Variants in OLA1 observed in about 807,000 individuals in gnomAD.
The protein encoded by OLA1 is obg-like ATPase 1.
A neutral mutation model predicts 48.4 loss-of-function variants in OLA1; 14 were observed. The observed-to-expected ratio is 0.29, with a 90% confidence interval of 0.19 to 0.45. The LOEUF (loss-of-function observed/expected upper bound fraction) is 0.45, where lower values mean the gene tolerates loss of function less well. Ranked by LOEUF, OLA1 falls within the 20% of genes least tolerant of loss-of-function variation. OLA1 has a pLI of 1.00. For missense variants in OLA1, 325 were observed against 467.1 expected, an observed-to-expected ratio of 0.70 and a Z score of 2.80; for synonymous variants, 127 against 150.4, an observed-to-expected ratio of 0.84 and a Z score of 1.14.
At chr2:174,230,390 G>A (rs923762280) in intron 2 of OLA1, among the ~76,000 whole-genome samples, 8 of 152,078 alleles carry the variant, frequency 5.3e-5, no homozygotes, top group Admixed American at 4.6e-4. Context: ...ATAACCAATA[G>A]TTATGAAAAG....
At chr2:174,223,865 A>G (rs1688559570) in intron 3 of OLA1, among the ~76,000 whole-genome samples, 1 of 152,154 alleles carries the variant, frequency 6.6e-6, no homozygotes. Context: ...TAGGCTATAT[A>G]CAAAATAACC....
intron 5 of OLA1, among the ~76,000 whole-genome samples, chr2:174,136,971 G>A (rs146044309): frequency 4.6e-5 from 7 of 152,130 alleles, no homozygotes; most frequent in South Asian, 2.1e-4. Context: ...CACCACGCCC[G>A]GCCATGAAAA....
intron 4 of OLA1, among the ~76,000 whole-genome samples, chr2:174,222,085 T>A (rs1175032475): frequency 1.3e-5 from 2 of 152,120 alleles, no homozygotes; most frequent in Non-Finnish European, 2.9e-5. Flanking sequence ...GTAATTGCAG[T>A]TTTGGGCATT....
chr2:174,199,591 T>C (rs1471004715), intron 4 of OLA1, among the ~76,000 whole-genome samples: 1 of 152,170 alleles, frequency 6.6e-6, no homozygotes, highest in Non-Finnish European at 1.5e-5. Context: ...ACAGATTTGA[T>C]TTTTTTGATA....
intron 4 of OLA1, among the ~76,000 whole-genome samples, chr2:174,186,075 G>T (rs1404119454): frequency 1.3e-5 from 2 of 152,058 alleles, no homozygotes; most frequent in African/African-American, 2.4e-5. Context: ...CAACATGAGA[G>T]ACCTTTAACA....
chr2:174,089,644 G>A (rs1236398672), intron 7 of OLA1, among the ~76,000 whole-genome samples: 2 of 152,098 alleles, frequency 1.3e-5, no homozygotes, highest in African/African-American at 4.8e-5. Flanking sequence ...GCTCATGCCT[G>A]TAATCCCAGG....
intron 5 of OLA1, among the ~76,000 whole-genome samples, chr2:174,124,858 C>T (rs2105368936): frequency 6.6e-6 from 1 of 152,198 alleles, no homozygotes; most frequent in Middle Eastern, 3.4e-3. Context: ...CTGTTACCAA[C>T]AGGAAAAATA....
Position 174,223,117 on chromosome 2 carries a change from C to G in OLA1, c.289G>C (p.Val97Leu). The G allele has an allele frequency of 1.2e-6, 2 of 1,613,956 alleles. No individual in the cohort carries two copies. The highest frequency in any genetic ancestry group is 1.7e-6 in the Non-Finnish European group (2 of 1,179,886). Reference sequence around the variant, plus strand: ...CCCTGCCCATTGTGAGCTCCTTTCACAAGGCCAGCAATATCCACCACATTT... The same window carrying G: ...CCCTGCCCATTGTGAGCTCCTTTCAGAAGGCCAGCAATATCCACCACATTT... Reference protein sequence around the residue: ...FLNVVDIAGLVKGAHNGQGLG... With the variant: ...FLNVVDIAGLLKGAHNGQGLG... Residue 97 changes from valine to leucine, a missense_variant, in exon 4 of 11, where the codon GTG (valine) becomes CTG (leucine). Physicochemically the swap from Val to Leu is conservative, Grantham distance 32. Coordinates refer to ENST00000284719, the MANE Select transcript of OLA1 (RefSeq NM_013341.5).
Position 174,192,192 on chromosome 2 carries a change from C to T in OLA1, c.373+30841G>A, listed in dbSNP as rs117191986. The stretch of plus-strand genomic sequence containing the variant: ...TACATTTTTCATTAATCTGAGTCCA[C>T]CTTTAAGTGATATTATAAGTATCCC... On this transcript the variant is annotated intron_variant, in intron 4 of 10. Transcript: ENST00000284719. 7.8e-4 allele frequency among the ~76,000 whole-genome samples: 118 copies of T among 152,230 alleles called. 1 individual carries two copies. In the East Asian group the frequency reaches 0.018, roughly 23 times the overall value.
At chr2:174,137,817 G>A (rs570209560) in intron 5 of OLA1, among the ~76,000 whole-genome samples, 9 of 152,234 alleles carry the variant, frequency 5.9e-5, no homozygotes, top group Admixed American at 4.6e-4. Flanking sequence ...ATAGTCCTTC[G>A]CTTAAGGGAA....
At chr2:174,152,983 C>T (rs1172300490) in intron 4 of OLA1, among the ~76,000 whole-genome samples, 1 of 152,176 alleles carries the variant, frequency 6.6e-6, no homozygotes, top group Non-Finnish European at 1.5e-5. Flanking sequence ...TTCCTCCTCT[C>T]TCATTACAGG....
chr2:174,113,912 T>C (rs1022126206), intron 7 of OLA1, among the ~76,000 whole-genome samples: 2 of 152,156 alleles, frequency 1.3e-5, no homozygotes, highest in African/African-American at 2.4e-5. Flanking sequence ...GGCATGATAA[T>C]ATCTGCTTGA....
chr2:174,231,013 C>T (rs1171687314), intron 2 of OLA1, among the ~76,000 whole-genome samples: 1 of 152,156 alleles, frequency 6.6e-6, no homozygotes. Context: ...AAAGCTGATG[C>T]TGAAGGAGAA....
chr2:174,094,661 G>A (rs766456669), intron 7 of OLA1, among the ~76,000 whole-genome samples: 4 of 152,192 alleles, frequency 2.6e-5, no homozygotes, highest in Admixed American at 6.5e-5. Context: ...AAAAATTGGG[G>A]TAAAGAACAC....
chr2:174,084,801 A>G lies in OLA1; in HGVS notation c.729-2737T>C, dbSNP rs1021308907. On this transcript the variant is annotated intron_variant, in intron 7 of 10. Coordinates refer to ENST00000284719, the MANE Select transcript of OLA1 (RefSeq NM_013341.5). ...ACTACTAGAAAAACAATTCCAAGCC[A>G]TTCTGCCGAAGTGCCTGAATAATAA... is the stretch of plus-strand genomic sequence containing the variant. 2.0e-5 allele frequency among the ~76,000 whole-genome samples: 3 copies of G among 152,384 alleles called. No homozygotes were observed. The South Asian group carries it at 6.2e-4, about 32-fold the overall frequency.
chr2:174,101,691 C>G (rs1018910293), intron 7 of OLA1, among the ~76,000 whole-genome samples: 2 of 152,102 alleles, frequency 1.3e-5, no homozygotes, highest in African/African-American at 4.8e-5. Flanking sequence ...AAAGAAGCAA[C>G]AGAGTCAAGG....
chr2:174,135,273 A>G (rs1226319287), intron 5 of OLA1, among the ~76,000 whole-genome samples: 1 of 151,980 alleles, frequency 6.6e-6, no homozygotes, highest in East Asian at 1.9e-4. Flanking sequence ...CACTGTCAGG[A>G]GAGTTGAGAA....
rs532536178 is a variant in OLA1, at chr2:174,226,198, C to CA, written c.246-3039dup. Among the ~76,000 whole-genome samples, 428 of 83,310 alleles carry CA rather than the reference C, an allele frequency of 5.1e-3. 54 individuals carry two copies. Among genetic ancestry groups the CA allele is most frequent in the African/African-American group, 7.8e-3 (160 of 20,524 alleles). 54.7% of individuals were successfully genotyped at this position (83,310 alleles called of 152,430 possible). A position where few individuals can be genotyped will look rare whatever the true frequency, so the allele number is the denominator to read the frequency against. The stretch of plus-strand genomic sequence containing the variant: ...TGGGCGACAGAGCGAGACTCCGTCT[C>CA]AAAAAAAAAAAAAAAAAAAGAAAAT... On this transcript the variant is annotated intron_variant, in intron 3 of 10. Transcript: ENST00000284719.
intron 2 of OLA1, among the ~76,000 whole-genome samples, chr2:174,242,181 C>G (rs927201935): frequency 5.3e-5 from 8 of 152,330 alleles, no homozygotes; most frequent in East Asian, 1.9e-4. Flanking sequence ...GCACCAGGGA[C>G]TGGACCGTGA....
Sources: allele counts gnomAD v4.1 joint callset (sites outside exome capture counted in the v4.1 genomes callset), GRCh38; gene constraint gnomAD v4.1.1; transcripts MANE v1.5; gene names NCBI Gene and HGNC (gene_info 2026-07-23, HGNC 2026-07-21).